HPSE2: variants seen among roughly 807,000 people sequenced by gnomAD.
HPSE2 encodes heparanase 2 (inactive), also known as inactive heparanase-2.
In HPSE2, 38 loss-of-function variants were observed where a neutral mutation model predicts 60.5. That is an observed-to-expected ratio of 0.63 (90% CI 0.48 to 0.82). The LOEUF is 0.82. Among genes scored for constraint, HPSE2 ranks in the 40% least tolerant of loss-of-function variants. The probability of loss-of-function intolerance (pLI) is 0.00; values close to 1 mark genes in which losing one functional copy is unlikely to be tolerated. For missense variants in HPSE2, 713 were observed against 740.4 expected, an observed-to-expected ratio of 0.96 and a Z score of 0.43; for synonymous variants, 295 against 293.2, an observed-to-expected ratio of 1.01 and a Z score of -0.06.
At chr10:98,491,631 T>C (rs10748733) in intron 9 of HPSE2, among the ~76,000 whole-genome samples, 129,096 of 152,190 alleles carry the variant, frequency 0.85, 56,570 homozygotes, top group East Asian at 0.96. Flanking sequence ...AGGATTAGCT[T>C]ACTATTTTCT....
intron 3 of HPSE2, among the ~76,000 whole-genome samples, chr10:98,801,154 T>G (rs765348356): frequency 6.6e-6 from 1 of 152,180 alleles, no homozygotes; most frequent in African/African-American, 2.4e-5. Context: ...TTGATTACAT[T>G]TAACATCCCT....
At chr10:99,156,411 T>C (rs1846562987) in intron 2 of HPSE2, among the ~76,000 whole-genome samples, 1 of 139,416 alleles carries the variant, frequency 7.2e-6, no homozygotes, top group African/African-American at 2.5e-5. Context: ...CATGATCAAG[T>C]GGGCTTCATC....
chr10:98,946,016 C>T (rs573700937), intron 3 of HPSE2, among the ~76,000 whole-genome samples: 1 of 151,606 alleles, frequency 6.6e-6, no homozygotes, highest in African/African-American at 2.4e-5. Flanking sequence ...AGATTTGTGA[C>T]AATTTGAAAA....
intron 2 of HPSE2, among the ~76,000 whole-genome samples, chr10:99,148,232 T>C (rs1846127127): frequency 6.6e-6 from 1 of 152,222 alleles, no homozygotes; most frequent in Admixed American, 6.5e-5. Flanking sequence ...GGCTTGGTAT[T>C]CACTTATTAG....
chr10:99,032,712 A>G (rs1449594725), intron 3 of HPSE2, among the ~76,000 whole-genome samples: 2 of 152,192 alleles, frequency 1.3e-5, no homozygotes, highest in Non-Finnish European at 2.9e-5. Context: ...AGGTATTGGG[A>G]AGGCTGCATT....
At chr10:98,875,755 T>C (rs1216358384) in intron 3 of HPSE2, among the ~76,000 whole-genome samples, 1 of 152,064 alleles carries the variant, frequency 6.6e-6, no homozygotes, top group Non-Finnish European at 1.5e-5. Flanking sequence ...TTATTCTAGT[T>C]TCAATCCTCC....
chr10:98,732,214 T>C (rs1468116014), intron 4 of HPSE2, among the ~76,000 whole-genome samples: 1 of 152,156 alleles, frequency 6.6e-6, no homozygotes, highest in East Asian at 1.9e-4. Flanking sequence ...CTCCCTAAAT[T>C]GATTTATAGA....
intron 9 of HPSE2, among the ~76,000 whole-genome samples, chr10:98,598,322 G>A (rs1945304102): frequency 1.4e-5 from 2 of 145,940 alleles, no homozygotes; most frequent in African/African-American, 5.0e-5. Flanking sequence ...CTGGTGCCTG[G>A]GTCAGGTTAG....
intron 2 of HPSE2, among the ~76,000 whole-genome samples, chr10:99,204,110 C>G (rs73337445): frequency 6.6e-6 from 1 of 152,092 alleles, no homozygotes; most frequent in African/African-American, 2.4e-5. Flanking sequence ...CAGGTCAAGG[C>G]CCACACCAGT....
chr10:98,715,729 T>G (rs2134232608), intron 5 of HPSE2, among the ~76,000 whole-genome samples: 1 of 152,212 alleles, frequency 6.6e-6, no homozygotes, highest in East Asian at 1.9e-4. Flanking sequence ...TCAAAATACT[T>G]TATTGCTAAA....
At chr10:99,166,340 G>T (rs1283756137) in intron 2 of HPSE2, among the ~76,000 whole-genome samples, 1 of 152,148 alleles carries the variant, frequency 6.6e-6, no homozygotes, top group Non-Finnish European at 1.5e-5. Context: ...AAACTACAGG[G>T]TCATATGGTA....
At chr10:98,539,295 G>T (rs1329915548) in intron 9 of HPSE2, among the ~76,000 whole-genome samples, 1 of 152,210 alleles carries the variant, frequency 6.6e-6, no homozygotes, top group Non-Finnish European at 1.5e-5. Context: ...GCTGAGGCGG[G>T]TGGATCACCT....
intron 3 of HPSE2, among the ~76,000 whole-genome samples, chr10:98,802,782 C>A (rs1410974082): frequency 7.1e-6 from 1 of 140,580 alleles, no homozygotes; most frequent in Non-Finnish European, 1.5e-5. Flanking sequence ...AATAAACATA[C>A]GTGTGCATGT....
chr10:99,226,262 T>G (rs1849470470), intron 2 of HPSE2, among the ~76,000 whole-genome samples: 1 of 152,026 alleles, frequency 6.6e-6, no homozygotes, highest in African/African-American at 2.4e-5. Flanking sequence ...AGCATTCAAC[T>G]CTACTTTTCT....
intron 3 of HPSE2, among the ~76,000 whole-genome samples, chr10:98,977,206 T>C (rs1354976635): frequency 6.6e-6 from 1 of 152,220 alleles, no homozygotes; most frequent in Admixed American, 6.5e-5. Flanking sequence ...AGAAGGTCCT[T>C]GTACAGGAAC....
chr10:98,535,709 G>T (rs7080284), intron 9 of HPSE2, among the ~76,000 whole-genome samples: 3 of 152,048 alleles, frequency 2.0e-5, no homozygotes, highest in Admixed American at 1.3e-4. Context: ...AGGCATCTTT[G>T]TTCTGCCCTT....
At chr10:98,682,958 A>G (rs556799433) in intron 6 of HPSE2, among the ~76,000 whole-genome samples, 9 of 152,202 alleles carry the variant, frequency 5.9e-5, no homozygotes, top group Non-Finnish European at 1.3e-4. Context: ...AATGAAACCT[A>G]GAGGATTATG....
At chr10:98,713,435 T>C (rs17110721) in intron 5 of HPSE2, among the ~76,000 whole-genome samples, 4,626 of 151,728 alleles carry the variant, frequency 0.03, 152 homozygotes, top group East Asian at 0.12. Flanking sequence ...ATCCTCCAAA[T>C]TGTAATTCTT....
At chr10:98,941,119 C>A (rs1164418104) in intron 3 of HPSE2, among the ~76,000 whole-genome samples, 9 of 142,528 alleles carry the variant, frequency 6.3e-5, no homozygotes, top group Non-Finnish European at 1.2e-4. Flanking sequence ...AACCCACAGC[C>A]AGTATCATCC....
Sources: allele counts gnomAD v4.1 joint callset (sites outside exome capture counted in the v4.1 genomes callset), GRCh38; gene constraint gnomAD v4.1.1; transcripts MANE v1.5; gene names NCBI Gene and HGNC (gene_info 2026-07-23, HGNC 2026-07-21).